The following NEGR1 variants were observed in gnomAD, a reference collection of about 807,000 sequenced individuals.
NEGR1 encodes neuronal growth regulator 1.
Under a neutral mutation model 40.9 loss-of-function variants are expected in NEGR1, and 10 were observed. The ratio of observed to expected loss-of-function variants is 0.24; its 90% CI spans 0.15 to 0.42. NEGR1 has a LOEUF of 0.42. Ranked by LOEUF, NEGR1 falls within the 10% of genes least tolerant of loss-of-function variation. NEGR1 has a pLI of 1.00. For synonymous variants in NEGR1, 185 were observed against 166.8 expected, an observed-to-expected ratio of 1.11 and a Z score of -0.84; for missense variants, 352 against 438.9, an observed-to-expected ratio of 0.80 and a Z score of 1.77.
intron 3 of NEGR1, among the ~76,000 whole-genome samples, chr1:71,729,334 C>T (rs926467161): frequency 6.6e-6 from 1 of 152,112 alleles, no homozygotes; most frequent in Admixed American, 6.6e-5. Flanking sequence ...ATCCACTTTA[C>T]CAGGTTTTAT....
At chr1:71,827,606 G>T (rs1487005398) in intron 2 of NEGR1, among the ~76,000 whole-genome samples, 1 of 151,744 alleles carries the variant, frequency 6.6e-6, no homozygotes, top group Non-Finnish European at 1.5e-5. Flanking sequence ...TCTCAACTGA[G>T]AAAATACAGA....
At chr1:71,633,547 C>T (rs536429835) in intron 4 of NEGR1, among the ~76,000 whole-genome samples, 5 of 151,932 alleles carry the variant, frequency 3.3e-5, no homozygotes, top group Non-Finnish European at 5.9e-5. Context: ...CTGGAAAATC[C>T]TGAGGGAAGA....
At position 71,700,321 on chromosome 1, in the gene NEGR1, T is replaced by C. The variant is rs890487079; in HGVS notation, c.536-2182A>G. The stretch of plus-strand genomic sequence containing the variant: ...CAGTGACACATATGAAACCCAGAAC[T>C]AACTTAAAAACCTACATGCCTTATT... On this transcript the variant is annotated intron_variant, in intron 3 of 6. Transcript: ENST00000357731. Among the ~76,000 whole-genome samples the C allele has an allele frequency of 1.1e-4, 17 of 152,054 alleles. No individual in the cohort carries two copies. In the South Asian group the frequency reaches 1.2e-3, roughly 11 times the overall value.
chr1:71,579,152 T>G (rs958913702), intron 6 of NEGR1, among the ~76,000 whole-genome samples: 16 of 152,200 alleles, frequency 1.1e-4, no homozygotes, highest in African/African-American at 3.9e-4. Flanking sequence ...AAGTCCACTT[T>G]AGAAGCTAGC....
At chr1:71,965,878 C>A (rs1646205883) in intron 1 of NEGR1, among the ~76,000 whole-genome samples, 1 of 152,028 alleles carries the variant, frequency 6.6e-6, no homozygotes, top group Non-Finnish European at 1.5e-5. Context: ...AGAAAAAAAT[C>A]ATTTAGTAAG....
intron 1 of NEGR1, among the ~76,000 whole-genome samples, chr1:71,968,360 G>T (rs1646228145): frequency 6.6e-6 from 1 of 152,182 alleles, no homozygotes; most frequent in Non-Finnish European, 1.5e-5. Flanking sequence ...TGGGATATCA[G>T]ATTTGTTGCG....
chr1:72,116,409 T>C (rs548678493), intron 1 of NEGR1, among the ~76,000 whole-genome samples: 5 of 151,712 alleles, frequency 3.3e-5, no homozygotes, highest in African/African-American at 4.8e-5. Context: ...TCCCTTTGAA[T>C]TGTGAACAGT....
chr1:72,155,766 C>A (rs1651335035), intron 1 of NEGR1, among the ~76,000 whole-genome samples: 1 of 152,010 alleles, frequency 6.6e-6, no homozygotes, highest in African/African-American at 2.4e-5. Flanking sequence ...TCCTTACCTG[C>A]AAAATGGGGA....
intron 4 of NEGR1, among the ~76,000 whole-genome samples, chr1:71,671,626 G>A (rs1163684552): frequency 6.6e-6 from 1 of 152,050 alleles, no homozygotes; most frequent in Non-Finnish European, 1.5e-5. Flanking sequence ...ACTCCATCTT[G>A]GTCAGCCATC....
At chr1:71,899,306 T>C (rs115289672) in intron 2 of NEGR1, among the ~76,000 whole-genome samples, 3,039 of 152,016 alleles carry the variant, frequency 0.02, 61 homozygotes, top group South Asian at 0.1. Flanking sequence ...CACTAAACTC[T>C]GAATTTCAGG....
In NEGR1 at chr1:71,698,085, T is replaced by A; in HGVS notation, c.590A>T (p.Gln197Leu). Reference protein sequence around the residue: ...YLDIYGITRDQAGEYECSAEN... With the variant: ...YLDIYGITRDLAGEYECSAEN... ...CGCACTGCATTCATATTCCCCAGCC[T>A]GGTCCCTTGTAATTCCATAAATGTC... Residue 197 changes from glutamine (Q) to leucine (L), a missense_variant, in exon 4 of 7, where the codon CAG becomes CTG. Around this residue, in one of 5 missense-constraint regions of NEGR1, gnomAD observed 184 missense variants for 208.7 expected, o/e 0.88. Coordinates refer to ENST00000357731, the MANE Select transcript of NEGR1 (RefSeq NM_173808.3). 1 of 1,611,202 alleles carries A rather than the reference T, an allele frequency of 6.2e-7. No individual in the cohort carries two copies. The highest frequency in any genetic ancestry group is 8.5e-7 in the Non-Finnish European group (1 of 1,177,962).
At chr1:71,946,632 A>G (rs1243762089) in intron 1 of NEGR1, among the ~76,000 whole-genome samples, 1 of 152,088 alleles carries the variant, frequency 6.6e-6, no homozygotes, top group Non-Finnish European at 1.5e-5. Context: ...ATTTGATCCT[A>G]ATTTTTCTTT....
intron 1 of NEGR1, among the ~76,000 whole-genome samples, chr1:72,249,482 A>T (rs1655013731): frequency 6.6e-6 from 1 of 152,216 alleles, no homozygotes; most frequent in Non-Finnish European, 1.5e-5. Flanking sequence ...TATGAGCTTA[A>T]CATGAGCAAG....
intron 4 of NEGR1, among the ~76,000 whole-genome samples, chr1:71,641,110 G>A (rs924734376): frequency 1.4e-4 from 22 of 152,034 alleles, no homozygotes; most frequent in African/African-American, 2.9e-4. Flanking sequence ...TGCTCATTAC[G>A]ACTGTATAAT....
Position 72,017,126 on chromosome 1 carries a change from A to ATGTGTG in NEGR1, c.177-81821_177-81816dup, listed in dbSNP as rs143863573. On this transcript the variant is annotated intron_variant, in intron 1 of 6. Transcript: ENST00000357731. Reference sequence around the variant, plus strand: ...AATACACACATATATATACACATATATGTGTGTGTGTGTGTGTGTGTGTGT... The same window carrying ATGTGTG: ...AATACACACATATATATACACATATATGTGTGTGTGTGTGTGTGTGTGTGTGTGTGT... Among the ~76,000 whole-genome samples the ATGTGTG allele has an allele frequency of 7.2e-3, 1,064 of 146,870 alleles. 6 individuals are homozygous for ATGTGTG. Among genetic ancestry groups the ATGTGTG allele is most frequent in the African/African-American group, 0.024 (970 of 39,910 alleles).
At chr1:72,087,680 G>T (rs764614680) in intron 1 of NEGR1, among the ~76,000 whole-genome samples, 5 of 149,334 alleles carry the variant, frequency 3.3e-5, no homozygotes, top group South Asian at 2.1e-4. Context: ...AGAGCGCTGT[G>T]ATACCATAAC....
chr1:72,051,027 A>T (rs1647055195), intron 1 of NEGR1, among the ~76,000 whole-genome samples: 1 of 151,376 alleles, frequency 6.6e-6, no homozygotes, highest in South Asian at 2.1e-4. Flanking sequence ...CTAAACTTCG[A>T]CCCCACTAAA....
At chr1:71,795,890 T>C (rs1657307362) in intron 2 of NEGR1, among the ~76,000 whole-genome samples, 1 of 152,156 alleles carries the variant, frequency 6.6e-6, no homozygotes. Context: ...GTTTAAAATA[T>C]ACTGTGAAAT....
chr1:71,459,536 C>T (rs138359342), intron 6 of NEGR1, among the ~76,000 whole-genome samples: 4 of 152,246 alleles, frequency 2.6e-5, no homozygotes, highest in East Asian at 3.9e-4. Flanking sequence ...CCTGCCATGC[C>T]GTTATCCATG....
Sources: gnomAD v4.1 joint callset for allele counts (sites outside exome capture counted in the v4.1 genomes callset) on GRCh38, gnomAD v4.1.1 for gene constraint, gnomAD v4.1.1 regional missense constraint, MANE v1.5 for transcripts, NCBI Gene and HGNC (gene_info 2026-07-23, HGNC 2026-07-21) for gene names.